MPHOSPH6: variants seen among roughly 807,000 people sequenced by gnomAD.
MPHOSPH6 encodes M-phase phosphoprotein 6.
MPHOSPH6 carries 25 observed loss-of-function variants against 21.8 expected under a neutral mutation model. That is an observed-to-expected ratio of 1.15 (90% CI 0.83 to 1.60). MPHOSPH6 has a LOEUF of 1.60. Among genes scored for constraint, MPHOSPH6 ranks in the 40% most tolerant of loss-of-function variants. The pLI is 0.00. For synonymous variants in MPHOSPH6, 84 were observed against 56.5 expected (o/e 1.49, Z -2.18); for missense variants, 269 against 181.8 (o/e 1.48, Z -2.76).
At chr16:82,149,429 T>G in intron 3 of MPHOSPH6, 26 bp from the exon 4 acceptor site, 1 of 1,601,290 alleles carries the variant, frequency 6.2e-7, no homozygotes, top group East Asian at 2.2e-5. Context: ...GTGCTGACCT[T>G]CAGGCTAGAA....
At chr16:82,151,779 T>C (rs923381318) in intron 2 of MPHOSPH6, among the ~76,000 whole-genome samples, 15 of 152,360 alleles carry the variant, frequency 9.8e-5, no homozygotes, top group African/African-American at 3.6e-4. Context: ...TATAAAGATC[T>C]AAAGTATTGA....
chr16:82,160,341 G>A (rs1906568325), intron 2 of MPHOSPH6, among the ~76,000 whole-genome samples: 1 of 152,058 alleles, frequency 6.6e-6, no homozygotes, highest in Admixed American at 6.5e-5. Flanking sequence ...AGAAACTACT[G>A]CTCAGAAAAA....
chr16:82,148,966 AAAAG>A, intron 4 of MPHOSPH6, 103 bp from the exon 5 acceptor site: 1 of 1,366,956 alleles, frequency 7.3e-7, no homozygotes, highest in Non-Finnish European at 1.0e-6. Context: ...AAGATTACGA[AAAAG>A]AAAACTATCA....
At chr16:82,161,317 G>C (rs1906600535) in intron 2 of MPHOSPH6, among the ~76,000 whole-genome samples, 1 of 152,180 alleles carries the variant, frequency 6.6e-6, no homozygotes, top group Non-Finnish European at 1.5e-5. Flanking sequence ...TCTTCCACCA[G>C]CATCAGTGAA....
chr16:82,153,046 G>A (rs535783830), intron 2 of MPHOSPH6, among the ~76,000 whole-genome samples: 27 of 152,136 alleles, frequency 1.8e-4, no homozygotes, highest in Non-Finnish European at 3.2e-4. Context: ...AGAACTGCTC[G>A]CATCCCAGAA....
intron 2 of MPHOSPH6, among the ~76,000 whole-genome samples, chr16:82,157,872 G>T (rs1352419933): frequency 6.6e-6 from 1 of 152,202 alleles, no homozygotes; most frequent in Non-Finnish European, 1.5e-5. Context: ...CCTGCAGTTG[G>T]AATGGAGACA....
intron 1 of MPHOSPH6, among the ~76,000 whole-genome samples, chr16:82,168,271 T>G (rs376093009): frequency 5.9e-5 from 9 of 152,220 alleles, no homozygotes; most frequent in African/African-American, 1.9e-4. Flanking sequence ...TCACTCCACT[T>G]CTCTGAAGTT....
intron 3 of MPHOSPH6, among the ~76,000 whole-genome samples, chr16:82,150,348 C>G (rs1597158681): frequency 1.3e-5 from 2 of 152,242 alleles, no homozygotes; most frequent in South Asian, 4.1e-4. Context: ...CCCCACTGCC[C>G]AGCCCCTCTC....
intron 3 of MPHOSPH6, among the ~76,000 whole-genome samples, chr16:82,149,900 C>G (rs111230670): frequency 9.3e-5 from 9 of 96,854 alleles, no homozygotes; most frequent in African/African-American, 3.0e-4. Flanking sequence ...GCACCTCAGC[C>G]TTACCCTCCT....
chr16:82,148,614 T>C lies in MPHOSPH6; in HGVS notation c.*117A>G, dbSNP rs771220455. 3 of 1,246,406 alleles carry C rather than the reference T, an allele frequency of 2.4e-6. No individual in the cohort carries two copies. The highest frequency in any genetic ancestry group is 2.5e-5 in the Admixed American group (1 of 40,568). 77.2% of individuals were successfully genotyped at this position (1,246,406 alleles called of 1,614,324 possible). On this transcript the variant is annotated 3_prime_UTR_variant, in exon 5 of 5. Transcript: ENST00000258169. The stretch of plus-strand genomic sequence containing the variant: ...AAACAGCATGTTTCTAAAATGATAA[T>C]CTCTTTACAAGTAAACGTTACAGTA...
At chr16:82,162,991 T>G (rs1834929661) in intron 2 of MPHOSPH6, among the ~76,000 whole-genome samples, 1 of 152,180 alleles carries the variant, frequency 6.6e-6, no homozygotes, top group African/African-American at 2.4e-5. Flanking sequence ...TTCCTCCCTG[T>G]GACCCTGCCC....
chr16:82,155,053 T>C (rs1351221165), intron 2 of MPHOSPH6, among the ~76,000 whole-genome samples: 1 of 152,254 alleles, frequency 6.6e-6, no homozygotes, highest in Non-Finnish European at 1.5e-5. Context: ...AAGGCTGTTC[T>C]GATATTCAAA....
rs1168290772 is a variant in MPHOSPH6 at position 82,148,580 on chromosome 16, C to A, written c.*151G>T. On this transcript the variant is annotated 3_prime_UTR_variant, in exon 5 of 5. Transcript: ENST00000258169. Reference sequence around the variant, plus strand: ...AGGATGTACAACATCCATCACACATCTGTTTCAAAAACAGCATGTTTCTAA... The same window carrying A: ...AGGATGTACAACATCCATCACACATATGTTTCAAAAACAGCATGTTTCTAA... 3.0e-6 allele frequency: 3 copies of A among 988,754 alleles called. No individual in the cohort carries two copies. The highest frequency in any genetic ancestry group is 4.3e-6 in the Non-Finnish European group (3 of 703,026). 61.2% of individuals were successfully genotyped at this position (988,754 alleles called of 1,614,324 possible). A position where few individuals can be genotyped will look rare whatever the true frequency, so the allele number is the denominator to read the frequency against.
chr16:82,155,214 G>C (rs1378091111), intron 2 of MPHOSPH6, among the ~76,000 whole-genome samples: 2 of 152,212 alleles, frequency 1.3e-5, no homozygotes, highest in Non-Finnish European at 2.9e-5. Context: ...GGGCATTGAC[G>C]AAAACAGCAC....
intron 1 of MPHOSPH6, among the ~76,000 whole-genome samples, chr16:82,165,114 C>CT (rs1418457856): frequency 0.02 from 1,249 of 63,774 alleles, 290 homozygotes; most frequent in African/African-American, 0.084. Flanking sequence ...TCCGATATTT[C>CT]TTTTTTATTT....
intron 4 of MPHOSPH6, 71 bp from the exon 5 acceptor site, chr16:82,148,934 T>C: frequency 1.3e-6 from 2 of 1,536,136 alleles, no homozygotes; most frequent in Non-Finnish European, 1.8e-6. Context: ...GTCAAGAATA[T>C]CAGACCAAAT....
chr16:82,159,465 C>T (rs1038001947), intron 2 of MPHOSPH6, among the ~76,000 whole-genome samples: 4 of 151,896 alleles, frequency 2.6e-5, no homozygotes, highest in Admixed American at 1.3e-4. Context: ...AGTGCAGTAG[C>T]GCAATCTCGG....
intron 1 of MPHOSPH6, among the ~76,000 whole-genome samples, chr16:82,165,445 T>A (rs1288951405): frequency 6.6e-6 from 1 of 152,034 alleles, no homozygotes; most frequent in Non-Finnish European, 1.5e-5. Flanking sequence ...TTTCTCCTCC[T>A]TCTATTCCAC....
intron 2 of MPHOSPH6, among the ~76,000 whole-genome samples, chr16:82,161,243 CT>C (rs1358931949): frequency 6.6e-6 from 1 of 152,126 alleles, no homozygotes; most frequent in African/African-American, 2.4e-5. Context: ...AACTAATGAA[CT>C]TCAAATGGGT....
Sources: allele counts gnomAD v4.1 joint callset (sites outside exome capture counted in the v4.1 genomes callset), GRCh38; gene constraint gnomAD v4.1.1; transcripts MANE v1.5; gene names NCBI Gene and HGNC (gene_info 2026-07-23, HGNC 2026-07-21).